Variants in MPP7 observed in about 807,000 individuals in gnomAD.
MPP7 encodes the protein MAGUK p55 subfamily member 7.
A neutral mutation model predicts 76.5 loss-of-function variants in MPP7; 60 were observed. The ratio of observed to expected loss-of-function variants is 0.78; its 90% CI spans 0.64 to 0.97. The LOEUF is 0.97. Among genes scored for constraint, MPP7 ranks in the 50% least tolerant of loss-of-function variants. MPP7 has a pLI of 0.00. For synonymous variants in MPP7, 237 were observed against 244.5 expected, an observed-to-expected ratio of 0.97 and a Z score of 0.29; for missense variants, 641 against 694.0, an observed-to-expected ratio of 0.92 and a Z score of 0.86.
Position 28,189,638 on chromosome 10 carries a change from C to T in MPP7, c.156+12515G>A, listed in dbSNP as rs1448960871. Among the ~76,000 whole-genome samples the T allele has an allele frequency of 3.4e-5, 3 of 86,992 alleles. No individual in the cohort carries two copies. In the East Asian group the frequency reaches 7.5e-4, roughly 22 times the overall value. 57.1% of individuals were successfully genotyped at this position (86,992 alleles called of 152,430 possible). A position where few individuals can be genotyped will look rare whatever the true frequency, so the allele number is the denominator to read the frequency against. On this transcript the variant is annotated intron_variant, in intron 3 of 16. Transcript: ENST00000683449. The stretch of plus-strand genomic sequence containing the variant: ...TAAATGTGTGTTGCTAACTGTAGGG[C>T]AAGCACACATAGAAAAAAAAAATTA...
intron 1 of MPP7, among the ~76,000 whole-genome samples, chr10:28,245,138 C>T (rs947574405): frequency 6.6e-6 from 1 of 152,036 alleles, no homozygotes; most frequent in African/African-American, 2.4e-5. Context: ...CATCAATGAC[C>T]CACTATTTTT....
At chr10:28,146,405 G>T (rs867026171) in intron 5 of MPP7, among the ~76,000 whole-genome samples, 29 of 114,404 alleles carry the variant, frequency 2.5e-4, no homozygotes, top group South Asian at 2.9e-4. Flanking sequence ...TTGTTTTTTT[G>T]TTTTTTTTTT....
chr10:28,100,913 T>C (rs1448358120), intron 11 of MPP7, among the ~76,000 whole-genome samples: 5 of 152,092 alleles, frequency 3.3e-5, no homozygotes, highest in African/African-American at 4.8e-5. Flanking sequence ...GAAGAAACCA[T>C]ATGAGAATTT....
chr10:28,218,857 G>T (rs909765874), intron 2 of MPP7, among the ~76,000 whole-genome samples: 1 of 152,142 alleles, frequency 6.6e-6, no homozygotes, highest in Non-Finnish European at 1.5e-5. Flanking sequence ...ACCTAGGGCC[G>T]ATTAGAATCT....
intron 2 of MPP7, among the ~76,000 whole-genome samples, chr10:28,317,165 A>G (rs971599477): frequency 1.3e-5 from 2 of 152,216 alleles, no homozygotes; most frequent in Non-Finnish European, 2.9e-5. Context: ...TCTGCCATTT[A>G]TACACGCTAG....
intron 3 of MPP7, among the ~76,000 whole-genome samples, chr10:28,199,486 A>G (rs1837698248): frequency 6.6e-6 from 1 of 152,200 alleles, no homozygotes; most frequent in South Asian, 2.1e-4. Flanking sequence ...CTGTAGCCAG[A>G]TACCCCAAGG....
intron 12 of MPP7, among the ~76,000 whole-genome samples, chr10:28,083,712 A>C (rs575425168): frequency 6.6e-6 from 1 of 151,336 alleles, no homozygotes; most frequent in East Asian, 1.9e-4. Context: ...TAATTTTTGT[A>C]TTTTTAGTAG....
upstream of MPP7, among the ~76,000 whole-genome samples, chr10:28,303,101 G>T (rs1841206989): frequency 6.6e-6 from 1 of 152,184 alleles, no homozygotes; most frequent in Non-Finnish European, 1.5e-5. Flanking sequence ...ACCGCGGTTG[G>T]AGGGGCGGGG....
At chr10:28,222,716 G>A (rs1370112558) in intron 2 of MPP7, among the ~76,000 whole-genome samples, 1 of 151,690 alleles carries the variant, frequency 6.6e-6, no homozygotes, top group African/African-American at 2.4e-5. Flanking sequence ...GCCAGGCGTG[G>A]TGGCGGGCGC....
intron 1 of MPP7, among the ~76,000 whole-genome samples, chr10:28,290,600 G>A (rs1840894015): frequency 6.6e-6 from 1 of 152,148 alleles, no homozygotes; most frequent in Non-Finnish European, 1.5e-5. Flanking sequence ...GGCCTCCCGA[G>A]TAGCTGGGAT....
intron 2 of MPP7, among the ~76,000 whole-genome samples, chr10:28,207,614 G>A (rs1348355209): frequency 6.6e-6 from 1 of 151,934 alleles, no homozygotes; most frequent in Non-Finnish European, 1.5e-5. Flanking sequence ...GAGCCCAGGA[G>A]GTAAAGGCTG....
At chr10:28,315,427 T>C (rs1434255891) in intron 2 of MPP7, among the ~76,000 whole-genome samples, 1 of 152,060 alleles carries the variant, frequency 6.6e-6, no homozygotes, top group Non-Finnish European at 1.5e-5. Context: ...AGTGTTTACC[T>C]GAAGCAGAGC....
rs114548188 is a variant in MPP7 at position 28,218,438 on chromosome 10, A to G, written c.38-16167T>C. Among the ~76,000 whole-genome samples, 822 of 152,332 alleles carry G rather than the reference A, an allele frequency of 5.4e-3. 2 individuals carry two copies. The highest frequency in any genetic ancestry group is 0.019 in the African/African-American group (786 of 41,574). ...AAAGAAATGCAGCTTTATCAGCTCC[A>G]TGTTTAGTCTCAGCAACAACAGGTG... On this transcript the variant is annotated intron_variant, in intron 2 of 16. Coordinates refer to ENST00000683449, the MANE Select transcript of MPP7 (RefSeq NM_001318170.2).
chr10:28,253,092 G>C (rs1415827093), intron 1 of MPP7, among the ~76,000 whole-genome samples: 1 of 152,116 alleles, frequency 6.6e-6, no homozygotes, highest in Non-Finnish European at 1.5e-5. Flanking sequence ...ATTTTTAGTA[G>C]AGATGGGTTT....
At chr10:28,098,396 C>T (rs1204821036) in intron 11 of MPP7, among the ~76,000 whole-genome samples, 2 of 151,574 alleles carry the variant, frequency 1.3e-5, no homozygotes, top group Non-Finnish European at 2.9e-5. Flanking sequence ...GTTATGGATA[C>T]AGAAATATAG....
intron 11 of MPP7, among the ~76,000 whole-genome samples, chr10:28,104,708 A>G (rs1407405406): frequency 6.6e-6 from 1 of 152,136 alleles, no homozygotes; most frequent in Non-Finnish European, 1.5e-5. Flanking sequence ...AACACTATTC[A>G]TTTATCTGTC....
At chr10:28,125,301 A>T (rs1435789139) in intron 6 of MPP7, among the ~76,000 whole-genome samples, 1 of 152,212 alleles carries the variant, frequency 6.6e-6, no homozygotes, top group South Asian at 2.1e-4. Flanking sequence ...ACATAGCATC[A>T]AAGGGTTTCA....
intron 11 of MPP7, among the ~76,000 whole-genome samples, chr10:28,092,731 C>A (rs1038980746): frequency 1.4e-5 from 2 of 139,180 alleles, no homozygotes; most frequent in African/African-American, 2.7e-5. Flanking sequence ...TGCCACCACA[C>A]CTGGCTCAAT....
chr10:28,057,564 G>A (rs927184511), intron 15 of MPP7: 8 of 316,062 alleles, frequency 2.5e-5, no homozygotes, highest in African/African-American at 1.0e-4. Context: ...CCAGCATCAC[G>A]CTTCCTGTAC....
Sources: gnomAD v4.1 joint callset for allele counts (sites outside exome capture counted in the v4.1 genomes callset) on GRCh38, gnomAD v4.1.1 for gene constraint, MANE v1.5 for transcripts, NCBI Gene and HGNC (gene_info 2026-07-23, HGNC 2026-07-21) for gene names.